POU6F2: variants seen among roughly 807,000 people sequenced by gnomAD.
The protein encoded by POU6F2 is POU domain, class 6, transcription factor 2.
POU6F2 carries 31 observed loss-of-function variants against 71.3 expected under a neutral mutation model. The observed-to-expected ratio is 0.43, with a 90% CI of 0.33 to 0.59. POU6F2 has a LOEUF of 0.59. Ranked by LOEUF, POU6F2 falls within the 20% of genes least tolerant of loss-of-function variation. POU6F2 has a pLI of 0.04. For synonymous variants in POU6F2, 347 were observed against 355.7 expected (o/e 0.98, Z 0.27); for missense variants, 783 against 856.8 (o/e 0.91, Z 1.07).
intron 1 of POU6F2, among the ~76,000 whole-genome samples, chr7:39,030,496 A>AATT (rs1267519536): frequency 8.8e-6 from 1 of 114,006 alleles, no homozygotes; most frequent in Non-Finnish European, 1.8e-5. Flanking sequence ...ACTTTCAAAA[A>AATT]ATACTATATA....
chr7:38,998,795 G>A (rs1222277091), intron 1 of POU6F2, among the ~76,000 whole-genome samples: 10 of 148,714 alleles, frequency 6.7e-5, no homozygotes, highest in South Asian at 2.1e-4. Context: ...GACTACAGGC[G>A]CCTGCCACCA....
rs997135653 is a variant in POU6F2 at position 39,357,691 on chromosome 7, G to T, written c.972+17676G>T. Among the ~76,000 whole-genome samples the T allele has an allele frequency of 2.6e-5, 4 of 152,214 alleles. No individual in the cohort carries two copies. The East Asian group carries it at 5.8e-4, about 22-fold the overall frequency. ...GGCTTGATGCCACAAAAGCTAAGAA[G>T]TTTGGATGACTTCTAAATTTAATAA... On this transcript the variant is annotated intron_variant, in intron 5 of 9. Transcript: ENST00000518318.
intron 5 of POU6F2, among the ~76,000 whole-genome samples, chr7:39,385,378 A>G (rs1786915604): frequency 6.6e-6 from 1 of 152,218 alleles, no homozygotes; most frequent in African/African-American, 2.4e-5. Context: ...GAGGAAGTAA[A>G]GATGAATAAG....
intron 1 of POU6F2, among the ~76,000 whole-genome samples, chr7:39,037,608 G>T (rs779773368): frequency 2.6e-5 from 4 of 151,910 alleles, no homozygotes; most frequent in Admixed American, 2.6e-4. Flanking sequence ...CTCCAGCAAC[G>T]TATTTGGCAA....
intron 1 of POU6F2, among the ~76,000 whole-genome samples, chr7:39,015,455 A>G (rs1409070065): frequency 8.0e-6 from 1 of 125,050 alleles, no homozygotes; most frequent in East Asian, 2.2e-4. Context: ...AATATATATT[A>G]TTATATATAG....
chr7:39,290,360 T>C (rs1374117240), intron 4 of POU6F2, among the ~76,000 whole-genome samples: 2 of 152,154 alleles, frequency 1.3e-5, no homozygotes, highest in African/African-American at 4.8e-5. Context: ...TGCTAAAAGC[T>C]TCAGGCTGCC....
intron 4 of POU6F2, among the ~76,000 whole-genome samples, chr7:39,234,376 G>A (rs1794633829): frequency 6.6e-6 from 1 of 152,136 alleles, no homozygotes; most frequent in Non-Finnish European, 1.5e-5. Flanking sequence ...GAACACGGTA[G>A]ACATGGTGCC....
chr7:39,206,626 A>G (rs1227942900), intron 3 of POU6F2, among the ~76,000 whole-genome samples: 2 of 152,204 alleles, frequency 1.3e-5, no homozygotes, highest in African/African-American at 4.8e-5. Flanking sequence ...CATATTATAA[A>G]CATTTTCTAT....
intron 1 of POU6F2, among the ~76,000 whole-genome samples, chr7:39,009,921 T>C (rs1392989725): frequency 1.3e-5 from 2 of 151,874 alleles, no homozygotes; most frequent in South Asian, 2.1e-4. Flanking sequence ...TGGATTCGGT[T>C]TGCCAGTATT....
At chr7:39,219,209 C>T (rs1363930689) in intron 4 of POU6F2, among the ~76,000 whole-genome samples, 1 of 151,990 alleles carries the variant, frequency 6.6e-6, no homozygotes, top group Non-Finnish European at 1.5e-5. Flanking sequence ...AGAAGGAGCC[C>T]CCCAAAAAAG....
intron 2 of POU6F2, among the ~76,000 whole-genome samples, chr7:39,200,853 GAAAAAAAGAA>G (rs1203606883): frequency 2.2e-4 from 10 of 44,872 alleles, no homozygotes; most frequent in Non-Finnish European, 3.0e-4. Context: ...GTACCAACAA[GAAAAAAAGAA>G]AAAAAAAGAA....
intron 1 of POU6F2, among the ~76,000 whole-genome samples, chr7:39,080,995 T>TA (rs1348989137): frequency 6.6e-6 from 1 of 152,212 alleles, no homozygotes; most frequent in Non-Finnish European, 1.5e-5. Flanking sequence ...TCCTTCTTAA[T>TA]ACAGTACCCC....
intron 4 of POU6F2, among the ~76,000 whole-genome samples, chr7:39,330,342 G>C (rs1218001941): frequency 2.0e-5 from 3 of 152,090 alleles, no homozygotes; most frequent in African/African-American, 4.8e-5. Context: ...GTCTCTATTT[G>C]TTCTGTCAAC....
intron 2 of POU6F2, among the ~76,000 whole-genome samples, chr7:39,199,985 T>C (rs1246091791): frequency 6.6e-6 from 1 of 152,222 alleles, no homozygotes; most frequent in African/African-American, 2.4e-5. Context: ...AAATCAGTTA[T>C]TATATTTTTA....
intron 4 of POU6F2, among the ~76,000 whole-genome samples, chr7:39,259,728 C>G (rs1784094673): frequency 6.6e-6 from 1 of 152,094 alleles, no homozygotes; most frequent in South Asian, 2.1e-4. Context: ...TCCAGATTCT[C>G]TCTCTGCTGG....
At chr7:39,251,630 T>G (rs977877972) in intron 4 of POU6F2, among the ~76,000 whole-genome samples, 3 of 152,036 alleles carry the variant, frequency 2.0e-5, no homozygotes, top group African/African-American at 7.2e-5. Flanking sequence ...TAGAAAGAAA[T>G]AAAAATAAGA....
At chr7:39,315,135 G>A (rs961169311) in intron 4 of POU6F2, among the ~76,000 whole-genome samples, 1 of 152,186 alleles carries the variant, frequency 6.6e-6, no homozygotes, top group Non-Finnish European at 1.5e-5. Context: ...GTTGAGTAGG[G>A]GATGGCTGCT....
At chr7:39,310,398 T>C (rs1158680459) in intron 4 of POU6F2, among the ~76,000 whole-genome samples, 2 of 152,178 alleles carry the variant, frequency 1.3e-5, no homozygotes, top group Non-Finnish European at 2.9e-5. Flanking sequence ...AAGTTTTCAT[T>C]TTACGAGACT....
At chr7:39,458,578 C>G (rs1022086814) in intron 8 of POU6F2, among the ~76,000 whole-genome samples, 1 of 152,086 alleles carries the variant, frequency 6.6e-6, no homozygotes, top group Admixed American at 6.6e-5. Flanking sequence ...GGTTTGGAAT[C>G]CAGAGCACAG....
Sources: allele counts gnomAD v4.1 joint callset (sites outside exome capture counted in the v4.1 genomes callset), GRCh38; gene constraint gnomAD v4.1.1; transcripts MANE v1.5; gene names NCBI Gene and HGNC (gene_info 2026-07-23, HGNC 2026-07-21).